TATDN1: variants seen among roughly 807,000 people sequenced by gnomAD.
TATDN1 encodes deoxyribonuclease TATDN1.
A neutral mutation model predicts 46.4 loss-of-function variants in TATDN1; 40 were observed. The observed-to-expected ratio is 0.86, with a 90% CI of 0.67 to 1.12. The LOEUF (loss-of-function observed/expected upper bound fraction) is 1.12. Ranked by LOEUF, TATDN1 falls within the 50% of genes most tolerant of loss-of-function variation. The probability of loss-of-function intolerance (pLI) is 0.00; values close to 1 mark genes in which losing one functional copy is unlikely to be tolerated. For synonymous variants in TATDN1, 95 were observed against 105.6 expected, an observed-to-expected ratio of 0.90 and a Z score of 0.62; for missense variants, 326 against 348.4, an observed-to-expected ratio of 0.94 and a Z score of 0.51.
At chr8:124,516,095 T>C in intron 4 of TATDN1, 65 bp from the exon 5 acceptor site, 2 of 1,333,192 alleles carry the variant, frequency 1.5e-6, no homozygotes, top group South Asian at 1.7e-5. Flanking sequence ...TTTATTATGA[T>C]ATTTAGAGGA....
intron 11 of TATDN1, among the ~76,000 whole-genome samples, chr8:124,492,015 T>TGC (rs1563640050): frequency 1.0e-4 from 15 of 149,610 alleles, no homozygotes; most frequent in African/African-American, 3.5e-4. Flanking sequence ...ACTTTTGTCT[T>TGC]CCAGGCTAGA....
At chr8:124,518,140 A>G (rs1241384270) in intron 4 of TATDN1, among the ~76,000 whole-genome samples, 1 of 128,468 alleles carries the variant, frequency 7.8e-6, no homozygotes, top group African/African-American at 3.0e-5. Context: ...TGAACCAGGG[A>G]GGTGGCGCGC....
At chr8:124,501,739 A>T (rs1417175040) in intron 9 of TATDN1, among the ~76,000 whole-genome samples, 1 of 152,170 alleles carries the variant, frequency 6.6e-6, no homozygotes, top group Non-Finnish European at 1.5e-5. Flanking sequence ...TAGTATGCCC[A>T]AGAAAAGAAC....
intron 4 of TATDN1, among the ~76,000 whole-genome samples, chr8:124,516,832 G>A (rs577288613): frequency 6.6e-6 from 1 of 152,308 alleles, no homozygotes; most frequent in South Asian, 2.1e-4. Flanking sequence ...GACTCTGACA[G>A]CTTGACTTGC....
intron 1 of TATDN1, among the ~76,000 whole-genome samples, chr8:124,527,115 A>T (rs1820568061): frequency 6.6e-6 from 1 of 152,230 alleles, no homozygotes; most frequent in African/African-American, 2.4e-5. Flanking sequence ...TCAAAGGAAG[A>T]AGTGGGGAAC....
chr8:124,508,480 C>T lies in TATDN1; in HGVS notation c.510G>A (p.Gly170=). 5 of 1,612,916 alleles carry T rather than the reference C, an allele frequency of 3.1e-6. No individual in the cohort carries two copies. Among genetic ancestry groups the T allele is most frequent in the Non-Finnish European group, 4.2e-6 (5 of 1,179,266 alleles). The part of the protein sequence containing the change: ...IMKRNRDRCV[G]GVVHSFDGTK... ...ATGACTATTTTATACTTACCACTCC[C>T]CCTACACACCGATCTCTATTTCTTT... is the stretch of plus-strand genomic sequence containing the variant. The change falls in exon 8 of 12, where the codon GGG becomes GGA. Residue 170 remains glycine (G), a synonymous_variant. Coordinates refer to ENST00000276692, the MANE Select transcript of TATDN1 (RefSeq NM_032026.4).
intron 11 of TATDN1, chr8:124,489,750 C>T (rs1266560005): frequency 6.6e-6 from 1 of 152,126 alleles, no homozygotes; most frequent in Non-Finnish European, 1.5e-5. Context: ...TAATGATGAT[C>T]CGTAGTGTCT....
chr8:124,502,101 G>A (rs759745843), intron 9 of TATDN1, among the ~76,000 whole-genome samples: 21 of 152,118 alleles, frequency 1.4e-4, no homozygotes, highest in Non-Finnish European at 2.1e-4. Flanking sequence ...TTGGGAGGCC[G>A]AGACGGGCAG....
intron 2 of TATDN1, 76 bp from the exon 3 acceptor site, chr8:124,522,276 T>C: frequency 1.2e-6 from 1 of 846,178 alleles, no homozygotes; most frequent in East Asian, 2.5e-5. Context: ...TCTGTGCAAA[T>C]GGCTATTTGA....
chr8:124,497,550 G>T (rs754824296), intron 9 of TATDN1, among the ~76,000 whole-genome samples: 1 of 152,184 alleles, frequency 6.6e-6, no homozygotes, highest in East Asian at 1.9e-4. Flanking sequence ...GCCTCCCAAA[G>T]TGCTGGGATT....
At chr8:124,490,268 C>T (rs1456252983) in intron 11 of TATDN1, 4 of 152,124 alleles carry the variant, frequency 2.6e-5, no homozygotes, top group African/African-American at 9.7e-5. Flanking sequence ...AATCACAGCA[C>T]TTTGGGAGGC....
At chr8:124,531,373 T>G (rs1820939680) in intron 1 of TATDN1, among the ~76,000 whole-genome samples, 1 of 152,172 alleles carries the variant, frequency 6.6e-6, no homozygotes, top group South Asian at 2.1e-4. Flanking sequence ...TTTCGCCAGC[T>G]CGCTTTCAAT....
intron 11 of TATDN1, chr8:124,491,367 GC>G (rs1186378744): frequency 6.6e-6 from 1 of 152,324 alleles, no homozygotes; most frequent in Non-Finnish European, 1.5e-5. Context: ...TCTGCAGTCT[GC>G]CTTTGCTTAA....
At chr8:124,519,056 C>G (rs894545993) in intron 3 of TATDN1, among the ~76,000 whole-genome samples, 175 bp from the exon 4 acceptor site, 1 of 152,146 alleles carries the variant, frequency 6.6e-6, no homozygotes, top group African/African-American at 2.4e-5. Flanking sequence ...TAGTGCCTGA[C>G]TACACCTCAG....
intron 3 of TATDN1, chr8:124,521,508 T>G (rs534692103): frequency 6.6e-6 from 1 of 152,304 alleles, no homozygotes; most frequent in South Asian, 2.1e-4. Flanking sequence ...AAGTTTAGAG[T>G]TGGAGTCTGC....
At chr8:124,507,386 A>T (rs1367767220) in intron 8 of TATDN1, among the ~76,000 whole-genome samples, 1 of 152,236 alleles carries the variant, frequency 6.6e-6, no homozygotes, top group Non-Finnish European at 1.5e-5. Context: ...AAATATTTCA[A>T]AACATAAAAA....
chr8:124,495,944 T>G (rs1003963151), intron 9 of TATDN1, among the ~76,000 whole-genome samples: 1 of 152,246 alleles, frequency 6.6e-6, no homozygotes, highest in African/African-American at 2.4e-5. Flanking sequence ...AGCAGAATTA[T>G]GTATCTGCAC....
intron 3 of TATDN1, 118 bp downstream of exon 3, chr8:124,522,033 G>T: frequency 1.6e-6 from 1 of 630,850 alleles, no homozygotes; most frequent in Non-Finnish European, 2.8e-6. Context: ...ATCACAAGTA[G>T]ACAATATGTA....
chr8:124,518,550 G>T (rs1356823806), intron 4 of TATDN1, among the ~76,000 whole-genome samples: 1 of 151,576 alleles, frequency 6.6e-6, no homozygotes, highest in African/African-American at 2.4e-5. Context: ...CACACCTGAG[G>T]TTAAACTGTG....
Sources: gnomAD v4.1 joint callset for allele counts (sites outside exome capture counted in the v4.1 genomes callset) on GRCh38, gnomAD v4.1.1 for gene constraint, MANE v1.5 for transcripts, NCBI Gene and HGNC (gene_info 2026-07-23, HGNC 2026-07-21) for gene names.